The following SESN3 variants were observed in gnomAD, a reference collection of about 807,000 sequenced individuals.
SESN3 encodes the protein sestrin 3.
Under a neutral mutation model 55.3 loss-of-function variants are expected in SESN3, and 21 were observed. The ratio of observed to expected loss-of-function variants is 0.38; its 90% CI spans 0.27 to 0.55. The LOEUF is 0.55. Ranked by LOEUF, SESN3 falls within the 20% of genes least tolerant of loss-of-function variation. The pLI is 0.76. For synonymous variants in SESN3, 181 were observed against 203.1 expected, an observed-to-expected ratio of 0.89 and a Z score of 0.93; for missense variants, 408 against 604.3, an observed-to-expected ratio of 0.68 and a Z score of 3.41.
rs1484035651 is a variant in SESN3 at position 95,178,783 on chromosome 11, A to G, written c.983T>C (p.Ile328Thr). ...MIITSDVSRY[I>T]EDPGFGYEDF... ...TTCATACCCAAAACCAGGGTCTTCA[A>G]TATATCGAGAGACATCAGATGTTAT... The change falls in exon 7 of 10, where the codon ATT becomes ACT. Residue 328 changes from isoleucine (I) to threonine (T), a missense_variant. Around this residue, in one of 4 missense-constraint regions of SESN3, gnomAD observed 119 missense variants for 139.9 expected, o/e 0.85. Transcript: ENST00000536441. 4 of 1,612,030 alleles carry G rather than the reference A, an allele frequency of 2.5e-6. No individual in the cohort carries two copies. The highest frequency in any genetic ancestry group is 3.4e-6 in the Non-Finnish European group (4 of 1,178,212).
intron 1 of SESN3, among the ~76,000 whole-genome samples, chr11:95,213,576 T>A (rs1206280005): frequency 2.0e-5 from 3 of 152,034 alleles, no homozygotes; most frequent in African/African-American, 7.2e-5. Context: ...GCCAGTGGAG[T>A]CTTTTAAATA....
At chr11:95,217,605 T>C (rs1449921532) in intron 1 of SESN3, among the ~76,000 whole-genome samples, 1 of 148,116 alleles carries the variant, frequency 6.8e-6, no homozygotes, top group Non-Finnish European at 1.5e-5. Flanking sequence ...TGAGCTGAGA[T>C]GGTGTTGCTG....
intron 1 of SESN3, among the ~76,000 whole-genome samples, chr11:95,227,196 T>TC (rs1449106776): frequency 6.6e-6 from 1 of 150,946 alleles, no homozygotes; most frequent in Non-Finnish European, 1.5e-5. Flanking sequence ...TTTTTTTTTG[T>TC]CTTTTTTTTT....
chr11:95,173,771 T>C (rs1304067714), intron 9 of SESN3, among the ~76,000 whole-genome samples: 4 of 152,068 alleles, frequency 2.6e-5, no homozygotes, highest in Non-Finnish European at 5.9e-5. Flanking sequence ...TAAAAGATAC[T>C]AAAGTGAAAA....
At chr11:95,179,451 T>A (rs1310474920) in intron 6 of SESN3, among the ~76,000 whole-genome samples, 1 of 152,090 alleles carries the variant, frequency 6.6e-6, no homozygotes, top group Non-Finnish European at 1.5e-5. Flanking sequence ...TTTGTTTTTA[T>A]CTCTCCAGGG....
intron 1 of SESN3, among the ~76,000 whole-genome samples, chr11:95,216,587 A>AT (rs1860761082): frequency 6.6e-6 from 1 of 152,004 alleles, no homozygotes. Context: ...TAAATAATCT[A>AT]TATCTAACTA....
intron 1 of SESN3, among the ~76,000 whole-genome samples, chr11:95,199,626 TA>T (rs1160148452): frequency 6.6e-6 from 1 of 152,034 alleles, no homozygotes; most frequent in Non-Finnish European, 1.5e-5. Flanking sequence ...TACTTGCCCC[TA>T]AAAAGACTGA....
intron 4 of SESN3, 150 bp from the exon 5 acceptor site, chr11:95,185,642 AT>A (rs1860149097): frequency 1.6e-6 from 1 of 612,876 alleles, no homozygotes; most frequent in Non-Finnish European, 2.9e-6. Context: ...TAAAGATATG[AT>A]TTTGGCCAAT....
intron 1 of SESN3, among the ~76,000 whole-genome samples, chr11:95,222,707 C>A (rs941355546): frequency 2.0e-5 from 3 of 151,928 alleles, no homozygotes; most frequent in Admixed American, 1.3e-4. Context: ...TCATGGCAGT[C>A]CAGAGGATAG....
intron 9 of SESN3, among the ~76,000 whole-genome samples, chr11:95,174,677 G>A (rs1859921785): frequency 6.6e-6 from 1 of 152,020 alleles, no homozygotes; most frequent in African/African-American, 2.4e-5. Context: ...TAGAAATGGG[G>A]TTTCACTACA....
intron 1 of SESN3, among the ~76,000 whole-genome samples, chr11:95,194,638 A>G (rs1249502999): frequency 6.6e-6 from 1 of 152,120 alleles, no homozygotes; most frequent in African/African-American, 2.4e-5. Context: ...CAAAATTATG[A>G]CAAAGGCCTC....
intron 2 of SESN3, among the ~76,000 whole-genome samples, chr11:95,193,202 G>A (rs745988978): frequency 6.6e-6 from 1 of 152,008 alleles, no homozygotes; most frequent in African/African-American, 2.4e-5. Context: ...GTGATCTGAT[G>A]ATGAAAGAAC....
At chr11:95,207,826 TTTTTG>T (rs200933619) in intron 1 of SESN3, among the ~76,000 whole-genome samples, 25 of 151,094 alleles carry the variant, frequency 1.7e-4, no homozygotes, top group African/African-American at 6.1e-4. Context: ...CTATATGTTT[TTTTTG>T]TTTTGTTTTG....
At chr11:95,218,951 C>T (rs920531318) in intron 1 of SESN3, among the ~76,000 whole-genome samples, 1 of 152,162 alleles carries the variant, frequency 6.6e-6, no homozygotes, top group Non-Finnish European at 1.5e-5. Flanking sequence ...CGCACCCGGC[C>T]ATATTTACCC....
rs985578771 is a variant in SESN3, at chr11:95,192,066, T to TA, written c.145-466dup. Among the ~76,000 whole-genome samples the TA allele has an allele frequency of 3.3e-5, 5 of 151,974 alleles. No individual in the cohort carries two copies. The East Asian group carries it at 5.8e-4, about 18-fold the overall frequency. ...CTTTGCTTGCTTTTGTGATTTAACA[T>TA]AAAAAAAACTTTCTGAAGTCTTTTC... On this transcript the variant is annotated intron_variant, in intron 2 of 9. Transcript: ENST00000536441.
rs138466562 is a variant in SESN3, at chr11:95,170,872, G to T, written c.*2383C>A. 8.5e-4 allele frequency: 129 copies of T among 152,204 alleles called. No homozygotes were observed. The highest frequency in any genetic ancestry group is 3.1e-3 in the African/African-American group (127 of 41,530). 9.4% of individuals were successfully genotyped at this position (152,204 alleles called of 1,614,324 possible). A position where few individuals can be genotyped will look rare whatever the true frequency, so the allele number is the denominator to read the frequency against. On this transcript the variant is annotated 3_prime_UTR_variant, in exon 10 of 10. Transcript: ENST00000536441. ...CAATGCTGAGCTAAAAAGAAACTTTGCAAGGAAAGAGATCTATTAAAGGCA... is the reference window on the plus strand; with the variant it reads ...CAATGCTGAGCTAAAAAGAAACTTTTCAAGGAAAGAGATCTATTAAAGGCA...
At chr11:95,182,323 A>G in intron 6 of SESN3, 1 of 184,314 alleles carries the variant, frequency 5.4e-6, no homozygotes, top group South Asian at 8.5e-5. Context: ...GGTTCATCAT[A>G]GAGTCATTAT....
At chr11:95,189,025 C>A (rs1236908282) in intron 4 of SESN3, among the ~76,000 whole-genome samples, 1 of 151,768 alleles carries the variant, frequency 6.6e-6, no homozygotes, top group Non-Finnish European at 1.5e-5. Flanking sequence ...GGGCAAATAA[C>A]AAAAATGTAG....
At chr11:95,231,241 A>T, upstream of SESN3, 1 of 393,230 alleles carries the variant, frequency 2.5e-6, no homozygotes, top group Non-Finnish European at 4.5e-6. Context: ...CACCACCTCC[A>T]CGCTCCGGTA....
Sources: allele counts gnomAD v4.1 joint callset (sites outside exome capture counted in the v4.1 genomes callset), GRCh38; gene constraint gnomAD v4.1.1; regional missense constraint gnomAD v4.1.1; transcripts MANE v1.5; gene names NCBI Gene and HGNC (gene_info 2026-07-23, HGNC 2026-07-21).